VAV3: variants seen among roughly 807,000 people sequenced by gnomAD.
VAV3 encodes the protein vav guanine nucleotide exchange factor 3.
In VAV3, 94 loss-of-function variants were observed where a neutral mutation model predicts 131.2. That is an observed-to-expected ratio of 0.72 (90% CI 0.61 to 0.85). The LOEUF is 0.85. Ranked by LOEUF, VAV3 falls within the 40% of genes least tolerant of loss-of-function variation. The pLI, the probability that VAV3 is intolerant of heterozygous loss-of-function variation, is 0.00. For synonymous variants in VAV3, 349 were observed against 342.0 expected, an observed-to-expected ratio of 1.02 and a Z score of -0.22; for missense variants, 939 against 1,002.7, an observed-to-expected ratio of 0.94 and a Z score of 0.86.
chr1:107,751,842 G>A (rs957374168), intron 12 of VAV3, among the ~76,000 whole-genome samples: 14 of 152,176 alleles, frequency 9.2e-5, no homozygotes, highest in Admixed American at 2.6e-4. Flanking sequence ...GTACACGCTA[G>A]AGGAAAAAAG....
At chr1:107,587,145 G>A (rs1262600028) in intron 25 of VAV3, among the ~76,000 whole-genome samples, 1 of 152,154 alleles carries the variant, frequency 6.6e-6, no homozygotes, top group African/African-American at 2.4e-5. Context: ...CTTGAGACGT[G>A]AGTATGATAT....
At chr1:107,744,445 A>G (rs1313492858) in intron 15 of VAV3, among the ~76,000 whole-genome samples, 2 of 152,238 alleles carry the variant, frequency 1.3e-5, no homozygotes, top group Admixed American at 1.3e-4. Context: ...AAGGTCGGTC[A>G]GAAGAAATTC....
chr1:107,824,395 T>C (rs991193697), intron 2 of VAV3, among the ~76,000 whole-genome samples: 3 of 152,134 alleles, frequency 2.0e-5, no homozygotes, highest in Admixed American at 1.3e-4. Flanking sequence ...TATTAACACA[T>C]GTGTATATTG....
chr1:107,809,974 A>G (rs4914962), intron 2 of VAV3, among the ~76,000 whole-genome samples: 22,995 of 152,218 alleles, frequency 0.15, 2,008 homozygotes, highest in East Asian at 0.29. Flanking sequence ...AAAATGATAC[A>G]TTGTAAAAAC....
rs1182233747 is a variant in VAV3, at chr1:107,743,221, G to C, written c.1502+5747C>G. On this transcript the variant is annotated intron_variant, in intron 15 of 26. Transcript: ENST00000370056. The stretch of plus-strand genomic sequence containing the variant: ...ATAAACACCCAACAGAGCTTTCTAA[G>C]AGGGGCAGATCACTCTGATGCTTGT... Among the ~76,000 whole-genome samples the C allele has an allele frequency of 3.3e-5, 5 of 152,286 alleles. No homozygotes were observed. In the East Asian group the frequency reaches 9.6e-4, roughly 29 times the overall value.
At chr1:107,960,337 G>T (rs575412454) in intron 1 of VAV3, among the ~76,000 whole-genome samples, 1 of 151,998 alleles carries the variant, frequency 6.6e-6, no homozygotes, top group Non-Finnish European at 1.5e-5. Flanking sequence ...GTAGTGGCAC[G>T]TGCCTGTAGT....
At chr1:107,859,671 T>C (rs1480930467) in intron 2 of VAV3, among the ~76,000 whole-genome samples, 1 of 152,186 alleles carries the variant, frequency 6.6e-6, no homozygotes, top group Non-Finnish European at 1.5e-5. Context: ...GCAGTATAAA[T>C]TCAATATAAA....
At chr1:107,573,442 G>T (rs529658875) in intron 26 of VAV3, 70 bp from the exon 27 acceptor site, 2 of 1,587,746 alleles carry the variant, frequency 1.3e-6, no homozygotes, top group African/African-American at 1.4e-5. Context: ...TCTACAAACA[G>T]AGTATTTTGT....
At chr1:107,888,004 T>TGG (rs574702173) in intron 1 of VAV3, among the ~76,000 whole-genome samples, 2,553 of 147,876 alleles carry the variant, frequency 0.017, 68 homozygotes, top group African/African-American at 0.055. Context: ...TCCAAAAATT[T>TGG]GGGGGGGGGG....
chr1:107,814,711 C>T (rs897785028), intron 2 of VAV3, among the ~76,000 whole-genome samples: 5 of 152,084 alleles, frequency 3.3e-5, no homozygotes, highest in African/African-American at 1.2e-4. Flanking sequence ...AGATTAGTGG[C>T]CTACAGTATT....
chr1:107,707,480 C>T (rs970224900), intron 15 of VAV3, among the ~76,000 whole-genome samples: 9 of 152,156 alleles, frequency 5.9e-5, no homozygotes, highest in Non-Finnish European at 1.2e-4. Context: ...TCAATGTTGG[C>T]TACAATTTAT....
chr1:107,836,596 A>T (rs1218234047), intron 2 of VAV3, among the ~76,000 whole-genome samples: 1 of 152,146 alleles, frequency 6.6e-6, no homozygotes, highest in Non-Finnish European at 1.5e-5. Flanking sequence ...TGAAACTGAG[A>T]TGCAAATACA....
chr1:107,923,008 T>C (rs1169798285), intron 1 of VAV3, among the ~76,000 whole-genome samples: 1 of 150,520 alleles, frequency 6.6e-6, no homozygotes, highest in East Asian at 1.9e-4. Context: ...ATCTCAGGTG[T>C]ATACATCTAT....
chr1:107,817,609 A>C lies in VAV3; in HGVS notation c.322-38117T>G, dbSNP rs116152275. On this transcript the variant is annotated intron_variant, in intron 2 of 26. Coordinates refer to ENST00000370056, the MANE Select transcript of VAV3 (RefSeq NM_006113.5). Reference sequence around the variant, plus strand: ...GAAGGGAGACAAAGGGAATCAGGGAAACCAAACAAGTTAAGTGATGCCCAG... The same window carrying C: ...GAAGGGAGACAAAGGGAATCAGGGACACCAAACAAGTTAAGTGATGCCCAG... 3.2e-3 allele frequency among the ~76,000 whole-genome samples: 492 copies of C among 152,248 alleles called. 1 individual carries two copies. Among genetic ancestry groups the C allele is most frequent in the African/African-American group, 0.011 (459 of 41,552 alleles).
At chr1:107,747,496 T>C (rs564063642) in intron 15 of VAV3, among the ~76,000 whole-genome samples, 25 of 152,300 alleles carry the variant, frequency 1.6e-4, no homozygotes, top group African/African-American at 5.8e-4. Flanking sequence ...AAAAATAGTA[T>C]ACTAGAATAT....
At chr1:107,924,166 T>C (rs1011477602) in intron 1 of VAV3, among the ~76,000 whole-genome samples, 3 of 152,130 alleles carry the variant, frequency 2.0e-5, no homozygotes, top group Non-Finnish European at 2.9e-5. Flanking sequence ...CCGTTCCCTA[T>C]AGAATCTTAT....
intron 1 of VAV3, among the ~76,000 whole-genome samples, chr1:107,912,987 G>C (rs779875983): frequency 2.6e-5 from 4 of 152,096 alleles, no homozygotes; most frequent in Non-Finnish European, 5.9e-5. Context: ...TTCTCTCCAG[G>C]TCTAATATGA....
At chr1:107,877,106 A>C (rs527278157) in intron 1 of VAV3, among the ~76,000 whole-genome samples, 8 of 152,312 alleles carry the variant, frequency 5.3e-5, no homozygotes, top group Non-Finnish European at 1.2e-4. Context: ...ACCACAAGGG[A>C]AGCATCATAA....
At chr1:107,809,292 T>G (rs1436504652) in intron 2 of VAV3, among the ~76,000 whole-genome samples, 1 of 152,152 alleles carries the variant, frequency 6.6e-6, no homozygotes, top group Non-Finnish European at 1.5e-5. Flanking sequence ...GTCTGAGAAA[T>G]CAACACTAAC....
Sources: gnomAD v4.1 joint callset for allele counts (sites outside exome capture counted in the v4.1 genomes callset) on GRCh38, gnomAD v4.1.1 for gene constraint, MANE v1.5 for transcripts, NCBI Gene and HGNC (gene_info 2026-07-23, HGNC 2026-07-21) for gene names.